Variants in RNF212B observed in about 807,000 individuals in gnomAD.
RNF212B encodes ring finger protein 212B.
Under a neutral mutation model 55.5 loss-of-function variants are expected in RNF212B, and 52 were observed. The observed-to-expected ratio is 0.94, with a 90% CI of 0.75 to 1.18. The LOEUF is 1.18. RNF212B is among the 50% of genes most tolerant of loss of function. RNF212B has a pLI of 0.00. For synonymous variants in RNF212B, 99 were observed against 121.4 expected, an observed-to-expected ratio of 0.82 and a Z score of 1.21; for missense variants, 289 against 350.4, an observed-to-expected ratio of 0.82 and a Z score of 1.40.
chr14:23,232,277 C>G (rs554889006), intron 2 of RNF212B, among the ~76,000 whole-genome samples: 6 of 146,102 alleles, frequency 4.1e-5, no homozygotes, highest in Non-Finnish European at 7.5e-5. Context: ...ATGTGAGGAG[C>G]GCCTCTGCCC....
intron 2 of RNF212B, among the ~76,000 whole-genome samples, chr14:23,207,007 C>T (rs183386022): frequency 1.3e-5 from 2 of 151,976 alleles, no homozygotes; most frequent in Admixed American, 1.3e-4. Flanking sequence ...CATACACACA[C>T]ACATCTTGGG....
chr14:23,220,547 C>T (rs530342867), intron 2 of RNF212B, among the ~76,000 whole-genome samples: 7 of 147,388 alleles, frequency 4.7e-5, no homozygotes, highest in South Asian at 2.2e-4. Context: ...ACAAAACAGC[C>T]GGGCTCGGTG....
At chr14:23,229,141 A>G (rs912098397) in intron 2 of RNF212B, among the ~76,000 whole-genome samples, 2 of 147,742 alleles carry the variant, frequency 1.4e-5, no homozygotes, top group Non-Finnish European at 3.0e-5. Context: ...GGCTTATTTC[A>G]CTTAGCATAA....
chr14:23,260,766 TGA>T, intron 7 of RNF212B, 79 bp downstream of exon 7: 4 of 1,252,404 alleles, frequency 3.2e-6, no homozygotes, highest in Non-Finnish European at 2.3e-6. Flanking sequence ...GTGTGAACTC[TGA>T]GAGAGAGAAA....
chr14:23,249,701 G>A (rs1205407612), intron 4 of RNF212B, among the ~76,000 whole-genome samples: 1 of 152,176 alleles, frequency 6.6e-6, no homozygotes, highest in Non-Finnish European at 1.5e-5. Context: ...CCAGTGTGAG[G>A]TAGTATTCCT....
rs1009623726 is a variant in RNF212B at position 23,250,639 on chromosome 14, G to A, written c.228+6243G>A. On this transcript the variant is annotated intron_variant, in intron 4 of 14. Coordinates refer to ENST00000430154, the MANE Select transcript of RNF212B (RefSeq NM_001282322.3). ...GACTGTGATAAGCTACTGTAAACCC[G>A]GAAAATCTGAGACAAGTCTCAGTTA... is the stretch of plus-strand genomic sequence containing the variant. 2.0e-5 allele frequency among the ~76,000 whole-genome samples: 3 copies of A among 152,040 alleles called. 1 individual carries two copies. The highest frequency in any genetic ancestry group is 2.0e-4 in the Admixed American group (3 of 15,260).
intron 2 of RNF212B, chr14:23,230,175 T>G (rs971441678): frequency 3.9e-5 from 6 of 152,910 alleles, no homozygotes; most frequent in African/African-American, 1.4e-4. Context: ...GAGAGAGAGT[T>G]GTAGTTCTTT....
rs926633183 is a variant in RNF212B, at chr14:23,186,847, A to G, written c.-79+1357A>G. Among the ~76,000 whole-genome samples the G allele has an allele frequency of 3.3e-5, 5 of 152,312 alleles. No individual in the cohort carries two copies. In the Middle Eastern group the frequency reaches 0.01, roughly 311 times the overall value. On this transcript the variant is annotated intron_variant, in intron 1 of 15. Transcript: ENST00000399910. ...AACAAGACAGTCTATTTGAGGGCAA[A>G]TGGGAGATTGATAGTTTACACTGAG...
At position 23,244,858 on chromosome 14, in the gene RNF212B, A is replaced by G. The variant is rs1328097765; in HGVS notation, c.228+462A>G. ...TTCAATAACCTTTTTAGTAATACTT[A>G]CCTCTTCATTTAGTGTTCATAACTG... On this transcript the variant is annotated intron_variant, in intron 4 of 14. Coordinates refer to ENST00000430154, the MANE Select transcript of RNF212B (RefSeq NM_001282322.3). Among the ~76,000 whole-genome samples, 5 of 152,180 alleles carry G rather than the reference A, an allele frequency of 3.3e-5. No homozygotes were observed. In the East Asian group the frequency reaches 9.6e-4, roughly 29 times the overall value.
intron 2 of RNF212B, among the ~76,000 whole-genome samples, chr14:23,194,755 A>C (rs960440266): frequency 6.7e-6 from 1 of 150,340 alleles, no homozygotes; most frequent in African/African-American, 2.5e-5. Context: ...AAAAAAAAAA[A>C]AACAACGCTG....
intron 2 of RNF212B, among the ~76,000 whole-genome samples, chr14:23,197,264 C>T (rs1277918296): frequency 3.9e-5 from 6 of 152,194 alleles, no homozygotes; most frequent in Non-Finnish European, 7.3e-5. Flanking sequence ...CTGTGGCTCA[C>T]GCCTGTAAGC....
At chr14:23,261,623 T>C (rs1594945477) in intron 7 of RNF212B, among the ~76,000 whole-genome samples, 1 of 152,130 alleles carries the variant, frequency 6.6e-6, no homozygotes, top group African/African-American at 2.4e-5. Context: ...ATACCACCGG[T>C]CCTTTCTAAT....
At chr14:23,227,607 T>TTTTA (rs147863352) in intron 2 of RNF212B, among the ~76,000 whole-genome samples, 1 of 151,878 alleles carries the variant, frequency 6.6e-6, no homozygotes, top group Non-Finnish European at 1.5e-5. Context: ...AAAAGTGTTT[T>TTTTA]TTTGTTTGTT....
intron 14 of RNF212B, among the ~76,000 whole-genome samples, chr14:23,271,570 A>G (rs1420804388): frequency 1.3e-5 from 2 of 151,906 alleles, no homozygotes; most frequent in Non-Finnish European, 2.9e-5. Flanking sequence ...TGGTGTCCCT[A>G]GGCACAGTTC....
intron 2 of RNF212B, among the ~76,000 whole-genome samples, chr14:23,231,173 G>A (rs1427567014): frequency 6.6e-6 from 1 of 152,110 alleles, no homozygotes; most frequent in African/African-American, 2.4e-5. Flanking sequence ...TTTTGATAGG[G>A]ATGACATTGA....
chr14:23,200,245 A>T (rs1879158310), intron 2 of RNF212B, among the ~76,000 whole-genome samples: 1 of 152,128 alleles, frequency 6.6e-6, no homozygotes, highest in African/African-American at 2.4e-5. Context: ...CCATAGGAGG[A>T]ATCTCAGATA....
intron 2 of RNF212B, among the ~76,000 whole-genome samples, chr14:23,215,923 T>C (rs1032029678): frequency 5.9e-5 from 9 of 152,246 alleles, no homozygotes; most frequent in Non-Finnish European, 1.2e-4. Context: ...AGTTATTTTA[T>C]GCATGTATAA....
chr14:23,230,883 C>T, intron 2 of RNF212B, among the ~76,000 whole-genome samples: 1 of 152,118 alleles, frequency 6.6e-6, no homozygotes, highest in East Asian at 1.9e-4. Flanking sequence ...GTTCTTTCCC[C>T]TATTCAATGG....
Position 23,272,877 on chromosome 14 carries a change from A to C in RNF212B, c.889A>C (p.Thr297Pro). The C allele has an allele frequency of 1.3e-6, 2 of 1,542,394 alleles. No homozygotes were observed. Among genetic ancestry groups the C allele is most frequent in the Non-Finnish European group, 1.8e-6 (2 of 1,140,628 alleles). Residue 297 changes from threonine (T) to proline (P), a missense_variant, in exon 15 of 15, where the codon ACC (threonine) becomes CCC (proline). Physicochemically the swap from Thr to Pro is conservative, Grantham distance 38. Transcript: ENST00000430154. Reference protein sequence around the residue: ...MGLPSGREAWTTSR With the variant: ...MGLPSGREAWPTSR ...ATTACCCAGTGGGAGAGAAGCATGGACCACTTCTAGATAGATCATCTTCAA... is the reference window on the plus strand; with the variant it reads ...ATTACCCAGTGGGAGAGAAGCATGGCCCACTTCTAGATAGATCATCTTCAA...
Sources: allele counts gnomAD v4.1 joint callset (sites outside exome capture counted in the v4.1 genomes callset), GRCh38; gene constraint gnomAD v4.1.1; transcripts MANE v1.5; gene names NCBI Gene and HGNC (gene_info 2026-07-23, HGNC 2026-07-21).